The following C1QTNF3 variants were observed in gnomAD, a reference collection of about 807,000 sequenced individuals.
The protein encoded by C1QTNF3 is complement C1q tumor necrosis factor-related protein 3.
C1QTNF3 carries 26 observed loss-of-function variants against 32.6 expected under a neutral mutation model. That is an observed-to-expected ratio of 0.80 (90% confidence interval 0.58 to 1.11). C1QTNF3 has a LOEUF of 1.11. Among genes scored for constraint, C1QTNF3 ranks in the 50% least tolerant of loss-of-function variants. C1QTNF3 has a pLI of 0.00. For missense variants in C1QTNF3, 362 were observed against 398.2 expected (o/e 0.91, Z 0.77); for synonymous variants, 155 against 146.0 (o/e 1.06, Z -0.44).
the C1QTNF3 span, among the ~76,000 whole-genome samples, chr5:34,130,592 A>C: frequency 6.6e-6 from 1 of 151,928 alleles, no homozygotes; most frequent in Non-Finnish European, 1.5e-5. Context: ...GTAGAACATA[A>C]AGACTTAGAA....
the C1QTNF3 span, among the ~76,000 whole-genome samples, chr5:34,049,374 T>A: frequency 6.6e-6 from 1 of 152,074 alleles, no homozygotes; most frequent in Non-Finnish European, 1.5e-5. Context: ...ACAGTGACCT[T>A]CCCCAGGGCT....
At chr5:34,105,277 CTG>C in the C1QTNF3 span, among the ~76,000 whole-genome samples, 6 of 152,036 alleles carry the variant, frequency 3.9e-5, no homozygotes, top group Non-Finnish European at 7.4e-5. Flanking sequence ...ACATTCTCTC[CTG>C]TGTCATATAT....
the C1QTNF3 span, among the ~76,000 whole-genome samples, chr5:34,086,999 T>C: frequency 3.6e-3 from 543 of 151,954 alleles, 5 homozygotes; most frequent in African/African-American, 0.013. Flanking sequence ...TGCAATAAAA[T>C]ATTTCTTTCA....
the C1QTNF3 span, among the ~76,000 whole-genome samples, chr5:34,056,481 GAGAGA>G: frequency 8.3e-5 from 2 of 24,124 alleles, no homozygotes. Context: ...TATATATATA[GAGAGA>G]GAGAGAGAGA....
the C1QTNF3 span, among the ~76,000 whole-genome samples, chr5:34,056,401 T>A: frequency 0.012 from 1,592 of 130,226 alleles, 36 homozygotes; most frequent in African/African-American, 0.041. Context: ...TACCATGACA[T>A]ATATATATAT....
chr5:34,176,855 T>TGAATG, the C1QTNF3 span, among the ~76,000 whole-genome samples: 3 of 79,854 alleles, frequency 3.8e-5, no homozygotes, highest in South Asian at 4.5e-4. Flanking sequence ...AGACCCTATC[T>TGAATG]CATGAATGAA....
At chr5:34,067,268 ATC>A in the C1QTNF3 span, among the ~76,000 whole-genome samples, 1 of 152,116 alleles carries the variant, frequency 6.6e-6, no homozygotes, top group African/African-American at 2.4e-5. Context: ...TTCACCCTCT[ATC>A]TGTTACCCAG....
the C1QTNF3 span, among the ~76,000 whole-genome samples, chr5:34,160,586 G>A: frequency 6.6e-6 from 1 of 152,186 alleles, no homozygotes; most frequent in Admixed American, 6.5e-5. Flanking sequence ...TAAGAGTTCC[G>A]TTACTCTAGA....
the C1QTNF3 span, among the ~76,000 whole-genome samples, chr5:34,089,324 G>A: frequency 6.6e-6 from 1 of 152,048 alleles, no homozygotes; most frequent in African/African-American, 2.4e-5. Flanking sequence ...CCTCCCAAAT[G>A]TATATGCTGA....
the C1QTNF3 span, among the ~76,000 whole-genome samples, chr5:34,241,103 C>T: frequency 6.6e-6 from 1 of 151,752 alleles, no homozygotes; most frequent in Non-Finnish European, 1.5e-5. Flanking sequence ...AAAAAAAAAC[C>T]CTCAACAGTT....
At chr5:34,033,493 C>G (rs1338465257) in intron 2 of C1QTNF3, 35 bp from the exon 3 acceptor site, 1 of 1,613,738 alleles carries the variant, frequency 6.2e-7, no homozygotes, top group Non-Finnish European at 8.5e-7. Context: ...TGAGAAAACC[C>G]AGTCACTCAT....
chr5:34,058,238 C>A, the C1QTNF3 span, among the ~76,000 whole-genome samples: 4 of 151,992 alleles, frequency 2.6e-5, no homozygotes, highest in African/African-American at 9.7e-5. Context: ...CCCACCACAC[C>A]CCTTTACCTT....
chr5:34,125,496 A>G, the C1QTNF3 span, among the ~76,000 whole-genome samples: 1 of 152,098 alleles, frequency 6.6e-6, no homozygotes, highest in Non-Finnish European at 1.5e-5. Flanking sequence ...TGAGTTTCAC[A>G]TTTTTCTGGG....
At chr5:34,117,965 GAAGA>G in the C1QTNF3 span, among the ~76,000 whole-genome samples, 1,778 of 152,186 alleles carry the variant, frequency 0.012, 33 homozygotes, top group African/African-American at 0.041. Flanking sequence ...AAAAAGAGTA[GAAGA>G]AATATCAATT....
the C1QTNF3 span, among the ~76,000 whole-genome samples, chr5:34,147,277 C>G: frequency 6.6e-6 from 1 of 152,144 alleles, no homozygotes; most frequent in Non-Finnish European, 1.5e-5. Flanking sequence ...TATCATAGAG[C>G]TACAATTTGT....
chr5:34,120,034 G>A, the C1QTNF3 span, among the ~76,000 whole-genome samples: 2,160 of 152,054 alleles, frequency 0.014, 54 homozygotes, highest in African/African-American at 0.05. Flanking sequence ...CAGAAACATC[G>A]GTATTTGATT....
At chr5:34,209,113 G>T in the C1QTNF3 span, among the ~76,000 whole-genome samples, 1 of 152,142 alleles carries the variant, frequency 6.6e-6, no homozygotes, top group African/African-American at 2.4e-5. Context: ...TAGTATTGAA[G>T]GTGAGACAAT....
the C1QTNF3 span, among the ~76,000 whole-genome samples, chr5:34,082,963 A>G: frequency 1.3e-4 from 19 of 151,782 alleles, no homozygotes; most frequent in Non-Finnish European, 2.4e-4. Context: ...CAAATGTGGA[A>G]TTATTTCATA....
At chr5:34,092,741 GTAT>G in the C1QTNF3 span, among the ~76,000 whole-genome samples, 4 of 151,994 alleles carry the variant, frequency 2.6e-5, 1 homozygote, top group African/African-American at 9.7e-5. Context: ...TGCTTCCAGA[GTAT>G]TTCCCCAGAG....
Sources: allele counts gnomAD v4.1 joint callset (sites outside exome capture counted in the v4.1 genomes callset), GRCh38; gene constraint gnomAD v4.1.1; transcripts MANE v1.5; gene names NCBI Gene and HGNC (gene_info 2026-07-23, HGNC 2026-07-21).